Variants in TACC2 observed in about 807,000 individuals in gnomAD.
TACC2 encodes transforming acidic coiled-coil containing protein 2, also known as transforming acidic coiled-coil-containing protein 2.
TACC2 carries 137 observed loss-of-function variants against 227.3 expected under a neutral mutation model. The ratio of observed to expected loss-of-function variants is 0.60; its 90% CI spans 0.52 to 0.69. The LOEUF is 0.69. Among genes scored for constraint, TACC2 ranks in the 30% least tolerant of loss-of-function variants. The pLI is 0.00. For missense variants in TACC2, 3,470 were observed against 3,694.4 expected (o/e 0.94, Z 1.57); for synonymous variants, 1,523 against 1,487.5 (o/e 1.02, Z -0.55).
intron 8 of TACC2, among the ~76,000 whole-genome samples, chr10:122,208,863 C>T (rs1430185030): frequency 6.6e-6 from 1 of 152,190 alleles, no homozygotes; most frequent in Non-Finnish European, 1.5e-5. Context: ...ACCGCTTTAT[C>T]GTGTTTGCCC....
intron 2 of TACC2, among the ~76,000 whole-genome samples, chr10:122,031,852 G>A (rs1959023367): frequency 6.6e-6 from 1 of 152,102 alleles, no homozygotes; most frequent in Non-Finnish European, 1.5e-5. Flanking sequence ...TTACAGGTGT[G>A]TGCCGCCACA....
At chr10:122,160,537 GT>G (rs1208892411) in intron 7 of TACC2, among the ~76,000 whole-genome samples, 3 of 117,890 alleles carry the variant, frequency 2.5e-5, no homozygotes, top group South Asian at 4.6e-4. Flanking sequence ...AAGTGTGTGT[GT>G]GGGGGGGGTC....
At position 122,237,329 on chromosome 10, in the gene TACC2, G is replaced by A. The variant is rs1352391566; in HGVS notation, c.8128-66G>A. On this transcript the variant is annotated intron_variant, in intron 16 of 22. Transcript: ENST00000369005. ...AATTGGCCCATTCATGAGAGGGTGA[G>A]TGTAATCCTCTTTGTCGTATGATTA... 2.7e-6 allele frequency: 4 copies of A among 1,479,734 alleles called. No individual in the cohort carries two copies. In the African/African-American group the frequency reaches 5.6e-5, roughly 21 times the overall value. 91.7% of individuals were successfully genotyped at this position (1,479,734 alleles called of 1,614,324 possible).
chr10:122,211,993 G>T (rs1428445220), intron 9 of TACC2, among the ~76,000 whole-genome samples: 1 of 152,176 alleles, frequency 6.6e-6, no homozygotes, highest in African/African-American at 2.4e-5. Flanking sequence ...AAGACCTAAT[G>T]TTCAACTCCA....
At chr10:122,230,701 G>T (rs117156025) in intron 16 of TACC2, among the ~76,000 whole-genome samples, 1,895 of 152,354 alleles carry the variant, frequency 0.012, 28 homozygotes, top group Non-Finnish European at 0.016. Context: ...GTATGGGTCA[G>T]TAGGGTAAAG....
In TACC2 at chr10:122,085,263, G is replaced by A. The variant is rs1309792473; in HGVS notation, c.2763G>A (p.Met921Ile). 6.2e-7 allele frequency: 1 copy of A among 1,614,054 alleles called. No individual in the cohort carries two copies. The highest frequency in any genetic ancestry group is 2.2e-5 in the East Asian group (1 of 44,876). ...SDTPTSSPTD[M>I]VWESSLTEES... ...CTCCAACTTCATCTCCCACTGACAT[G>A]GTTTGGGAGAGTTCTCTGACAGAAG... Residue 921 changes from methionine to isoleucine, a missense_variant, in exon 4 of 23, where the codon ATG (methionine) becomes ATA (isoleucine). By Grantham distance (10) the Met-to-Ile change is conservative. This residue lies in a region of TACC2 where 1,924 missense variants were observed against 1,978.3 expected (regional missense o/e 0.97). Transcript: ENST00000369005.
intron 3 of TACC2, among the ~76,000 whole-genome samples, chr10:122,070,627 C>G (rs1228521047): frequency 6.6e-6 from 1 of 152,002 alleles, no homozygotes; most frequent in Non-Finnish European, 1.5e-5. Context: ...TTGGCACATG[C>G]CTGTAATCCC....
intron 7 of TACC2, among the ~76,000 whole-genome samples, chr10:122,167,615 GTCCCT>G (rs942320697): frequency 1.3e-5 from 2 of 152,170 alleles, no homozygotes; most frequent in African/African-American, 4.8e-5. Context: ...TGGGGTTCTG[GTCCCT>G]TCCCTTATGT....
At chr10:122,032,315 C>CA (rs1378072544) in intron 2 of TACC2, among the ~76,000 whole-genome samples, 3 of 152,292 alleles carry the variant, frequency 2.0e-5, no homozygotes, top group Admixed American at 6.5e-5. Flanking sequence ...GGAACACCTC[C>CA]AAACTGCTAT....
chr10:122,087,115 C>T lies in TACC2; in HGVS notation c.4615C>T (p.Pro1539Ser). The change falls in exon 4 of 23, where the codon CCA (proline) becomes TCA (serine). Residue 1539 changes from proline to serine, a missense_variant. Pro to Ser is a moderately conservative substitution (Grantham distance 74). Transcript: ENST00000369005. ...ERPEGPGAAW[P>S]GLEGQAYSQL... ...GCCAGAGGGGCCTGGGGCAGCCTGG[C>T]CAGGCCTGGAAGGCCAGGCTTACTC... The T allele has an allele frequency of 6.2e-7, 1 of 1,609,680 alleles. No individual in the cohort carries two copies. The highest frequency in any genetic ancestry group is 8.5e-7 in the Non-Finnish European group (1 of 1,178,476).
chr10:122,086,480 C>T lies in TACC2; in HGVS notation c.3980C>T (p.Pro1327Leu), dbSNP rs753769021. ...RTTEGPVDSM[P>L]CLDRMPLLAK... is the part of the protein sequence containing the mutation. ...ACTGAGGGACCAGTGGACTCCATGCCATGCCTGGACCGGATGCCACTTCTG... is the reference window on the plus strand; with the variant it reads ...ACTGAGGGACCAGTGGACTCCATGCTATGCCTGGACCGGATGCCACTTCTG... Residue 1327 changes from proline (P) to leucine (L), a missense_variant, in exon 4 of 23, where the codon CCA (proline) becomes CTA (leucine). Pro to Leu is a moderately conservative substitution (Grantham distance 98). Coordinates refer to ENST00000369005, the MANE Select transcript of TACC2 (RefSeq NM_206862.4). 9.9e-6 allele frequency: 16 copies of T among 1,613,674 alleles called. No homozygotes were observed. The highest frequency in any genetic ancestry group is 8.9e-5 in the East Asian group (4 of 44,894).
At chr10:122,089,022 G>A (rs539594629) in intron 5 of TACC2, among the ~76,000 whole-genome samples, 1 of 152,258 alleles carries the variant, frequency 6.6e-6, no homozygotes, top group Admixed American at 6.5e-5. Flanking sequence ...GTCTGAGTTG[G>A]GAGGATCGAT....
At chr10:122,134,218 C>G (rs1300439540) in intron 6 of TACC2, among the ~76,000 whole-genome samples, 1 of 149,598 alleles carries the variant, frequency 6.7e-6, no homozygotes, top group Non-Finnish European at 1.5e-5. Context: ...GTCACCAAGG[C>G]TGGAGTACAG....
intron 8 of TACC2, among the ~76,000 whole-genome samples, chr10:122,207,855 G>A (rs1286794394): frequency 6.6e-6 from 1 of 152,202 alleles, no homozygotes; most frequent in African/African-American, 2.4e-5. Flanking sequence ...CTGAGAGGGA[G>A]AGGGTTGGTG....
chr10:122,170,525 C>G (rs1157754630), intron 7 of TACC2, among the ~76,000 whole-genome samples: 3 of 152,048 alleles, frequency 2.0e-5, no homozygotes, highest in Admixed American at 2.0e-4. Context: ...TGGTCTCGAA[C>G]TCCTGACCTC....
At chr10:122,123,238 G>C (rs7078019) in intron 5 of TACC2, among the ~76,000 whole-genome samples, 124,194 of 152,098 alleles carry the variant, frequency 0.82, 52,010 homozygotes, top group East Asian at 0.95. Context: ...CTCCTGGGCT[G>C]AAGTGATTCA....
chr10:122,162,913 G>A (rs1306864573), intron 7 of TACC2, among the ~76,000 whole-genome samples: 1 of 152,118 alleles, frequency 6.6e-6, no homozygotes, highest in Non-Finnish European at 1.5e-5. Context: ...GCCTCTGCTT[G>A]TTTAGGGTGA....
At chr10:122,029,004 T>G (rs67941138) in intron 2 of TACC2, among the ~76,000 whole-genome samples, 1 of 35,126 alleles carries the variant, frequency 2.8e-5, no homozygotes, top group Non-Finnish European at 4.6e-5. Context: ...TCCCCTCCCC[T>G]CCCCTCCCCT....
intron 7 of TACC2, among the ~76,000 whole-genome samples, chr10:122,146,570 C>A (rs2091404399): frequency 6.6e-6 from 1 of 151,956 alleles, no homozygotes; most frequent in Non-Finnish European, 1.5e-5. Context: ...TTACTCAGCC[C>A]CCTCGTTATA....
Sources: gnomAD v4.1 joint callset for allele counts (sites outside exome capture counted in the v4.1 genomes callset) on GRCh38, gnomAD v4.1.1 for gene constraint, gnomAD v4.1.1 regional missense constraint, MANE v1.5 for transcripts, NCBI Gene and HGNC (gene_info 2026-07-23, HGNC 2026-07-21) for gene names.